Variants in DLC1 observed in about 807,000 individuals in gnomAD.
DLC1 encodes the protein rho GTPase-activating protein 7.
A neutral mutation model predicts 140.3 loss-of-function variants in DLC1; 54 were observed. That is an observed-to-expected ratio of 0.38 (90% CI 0.31 to 0.48). The LOEUF (loss-of-function observed/expected upper bound fraction) is 0.48. Ranked by LOEUF, DLC1 falls within the 20% of genes least tolerant of loss-of-function variation. The probability of loss-of-function intolerance (pLI) is 0.96; values close to 1 mark genes in which losing one functional copy is unlikely to be tolerated. For synonymous variants in DLC1, 986 were observed against 728.1 expected (o/e 1.35, Z -5.70); for missense variants, 2,536 against 1,907.0 (o/e 1.33, Z -6.14).
At chr8:13,448,499 A>T (rs1241376133) in intron 2 of DLC1, among the ~76,000 whole-genome samples, 3 of 151,856 alleles carry the variant, frequency 2.0e-5, no homozygotes, top group African/African-American at 7.3e-5. Flanking sequence ...AGTAGCTGGG[A>T]CTACAGGTGT....
intron 4 of DLC1, among the ~76,000 whole-genome samples, chr8:13,345,714 C>T (rs57895135): frequency 0.011 from 1,724 of 151,878 alleles, 32 homozygotes; most frequent in African/African-American, 0.039. Context: ...CCTGCCACCA[C>T]GCCTGGCTCA....
intron 1 of DLC1, among the ~76,000 whole-genome samples, chr8:13,592,434 T>C (rs1462215855): frequency 6.6e-6 from 1 of 152,096 alleles, no homozygotes; most frequent in East Asian, 1.9e-4. Flanking sequence ...AGCAAACATA[T>C]GGATCTTTTA....
At chr8:13,100,825 C>G (rs1388629129) in intron 8 of DLC1, 55 bp from the exon 9 acceptor site, 24 of 1,511,084 alleles carry the variant, frequency 1.6e-5, no homozygotes, top group Non-Finnish European at 2.1e-5. Context: ...CAGCAGGGAG[C>G]AGGGCATGAG....
intron 5 of DLC1, among the ~76,000 whole-genome samples, chr8:13,154,551 C>T (rs1356971703): frequency 1.3e-5 from 2 of 152,192 alleles, no homozygotes; most frequent in Non-Finnish European, 1.5e-5. Context: ...AGTGCCAGTG[C>T]GCAGCCCCGG....
At chr8:13,160,909 G>A (rs972179636) in intron 5 of DLC1, among the ~76,000 whole-genome samples, 9 of 152,054 alleles carry the variant, frequency 5.9e-5, no homozygotes, top group Non-Finnish European at 1.3e-4. Flanking sequence ...GTGAAACCCC[G>A]TCTCTACTAA....
chr8:13,333,359 G>C (rs1437136837), intron 4 of DLC1, among the ~76,000 whole-genome samples: 1 of 152,076 alleles, frequency 6.6e-6, no homozygotes, highest in Non-Finnish European at 1.5e-5. Context: ...CCGAGTAGCT[G>C]AGACTACACC....
At chr8:13,118,702 A>T (rs1051339357) in intron 5 of DLC1, among the ~76,000 whole-genome samples, 7 of 152,140 alleles carry the variant, frequency 4.6e-5, no homozygotes, top group African/African-American at 1.7e-4. Context: ...AAAATCAATT[A>T]TTTTTATTTT....
intron 1 of DLC1, among the ~76,000 whole-genome samples, chr8:13,585,183 A>C (rs1805256987): frequency 6.6e-6 from 1 of 152,214 alleles, no homozygotes; most frequent in East Asian, 1.9e-4. Flanking sequence ...GCATATAATC[A>C]GAGATCTTGG....
intron 1 of DLC1, among the ~76,000 whole-genome samples, chr8:13,574,636 A>T (rs2117423425): frequency 6.6e-6 from 1 of 152,254 alleles, no homozygotes; most frequent in Admixed American, 6.5e-5. Flanking sequence ...AGAAATATTT[A>T]TTTCATGTTT....
Position 13,224,586 on chromosome 8 carries a change from T to A in DLC1, c.1348+80683A>T, listed in dbSNP as rs571389796. Among the ~76,000 whole-genome samples, 5 of 152,010 alleles carry A rather than the reference T, an allele frequency of 3.3e-5. No homozygotes were observed. In the East Asian group the frequency reaches 7.8e-4, roughly 24 times the overall value. On this transcript the variant is annotated intron_variant, in intron 5 of 17. Coordinates refer to ENST00000276297, the MANE Select transcript of DLC1 (RefSeq NM_182643.3). Reference sequence around the variant, plus strand: ...ATGTGGGGTAAGGAGCCCTAAGGGGTGGTCAAAGGTTAAAGGTGAAAGGTG... The same window carrying A: ...ATGTGGGGTAAGGAGCCCTAAGGGGAGGTCAAAGGTTAAAGGTGAAAGGTG...
chr8:13,118,837 A>G (rs1035817517), intron 5 of DLC1, among the ~76,000 whole-genome samples: 1 of 152,186 alleles, frequency 6.6e-6, no homozygotes, highest in African/African-American at 2.4e-5. Flanking sequence ...CCCTCTCTTA[A>G]GAGAATCTGT....
At chr8:13,352,365 T>C (rs1413161396) in intron 4 of DLC1, among the ~76,000 whole-genome samples, 1 of 152,222 alleles carries the variant, frequency 6.6e-6, no homozygotes, top group African/African-American at 2.4e-5. Flanking sequence ...TATTTTATTT[T>C]GTATTTTTTT....
chr8:13,395,386 C>T (rs1316986285), intron 3 of DLC1, among the ~76,000 whole-genome samples: 1 of 152,226 alleles, frequency 6.6e-6, no homozygotes, highest in East Asian at 1.9e-4. Context: ...CTCCCAAAAG[C>T]TGGGATTGCG....
intron 1 of DLC1, among the ~76,000 whole-genome samples, chr8:13,595,471 ACAATGTGCC>A (rs1439192328): frequency 6.6e-6 from 1 of 151,934 alleles, no homozygotes; most frequent in Non-Finnish European, 1.5e-5. Context: ...AAGAAATTTG[ACAATGTGCC>A]CCACATGTGT....
At chr8:13,495,867 A>G (rs939990043) in intron 2 of DLC1, among the ~76,000 whole-genome samples, 1 of 152,244 alleles carries the variant, frequency 6.6e-6, no homozygotes, top group African/African-American at 2.4e-5. Flanking sequence ...AAGCTCTTTT[A>G]TTTTTTTCTT....
intron 2 of DLC1, among the ~76,000 whole-genome samples, chr8:13,424,219 C>G (rs1365194510): frequency 6.6e-6 from 1 of 152,076 alleles, no homozygotes; most frequent in Non-Finnish European, 1.5e-5. Context: ...AAAATCAAGG[C>G]CGGGTTCGGT....
chr8:13,146,438 A>C (rs1183563329), intron 5 of DLC1, among the ~76,000 whole-genome samples: 1 of 152,088 alleles, frequency 6.6e-6, no homozygotes, highest in Non-Finnish European at 1.5e-5. Context: ...GTGATACTAA[A>C]AATAATAACT....
intron 5 of DLC1, chr8:13,160,338 C>A (rs568072571): frequency 6.6e-6 from 1 of 152,174 alleles, no homozygotes; most frequent in East Asian, 1.9e-4. Context: ...TAACTTGAAG[C>A]CATAAACATT....
intron 7 of DLC1, among the ~76,000 whole-genome samples, chr8:13,109,059 C>A (rs1819834246): frequency 6.6e-6 from 1 of 152,124 alleles, no homozygotes. Flanking sequence ...TTTTTCCTCT[C>A]TTAAACCATG....
Sources: allele counts gnomAD v4.1 joint callset (sites outside exome capture counted in the v4.1 genomes callset), GRCh38; gene constraint gnomAD v4.1.1; transcripts MANE v1.5; gene names NCBI Gene and HGNC (gene_info 2026-07-23, HGNC 2026-07-21).